The following ELN variants were observed in gnomAD, a reference collection of about 807,000 sequenced individuals.
The protein encoded by ELN is tropoelastin.
In ELN, 65 loss-of-function variants were observed where a neutral mutation model predicts 105.8. That is an observed-to-expected ratio of 0.61 (90% CI 0.50 to 0.75). The LOEUF (loss-of-function observed/expected upper bound fraction) is 0.75, where lower values mean the gene tolerates loss of function less well. ELN is among the 30% of genes least tolerant of loss of function. The probability of loss-of-function intolerance (pLI) is 0.00; values close to 1 mark genes in which losing one functional copy is unlikely to be tolerated. For missense variants in ELN, 882 were observed against 969.4 expected (o/e 0.91, Z 1.20); for synonymous variants, 368 against 389.2 (o/e 0.95, Z 0.64).
chr7:74,032,965 C>T lies in ELN; in HGVS notation c.83-2399C>T, dbSNP rs545420281. Reference sequence around the variant, plus strand: ...TGCAGTGAAATGGGAAAAAATGAAACGTAAGTGCCACTGTCTTTTTATTTT... The same window carrying T: ...TGCAGTGAAATGGGAAAAAATGAAATGTAAGTGCCACTGTCTTTTTATTTT... On this transcript the variant is annotated intron_variant, in intron 1 of 32. Coordinates refer to ENST00000252034, the MANE Select transcript of ELN (RefSeq NM_000501.4). 3.7e-4 allele frequency among the ~76,000 whole-genome samples: 57 copies of T among 152,320 alleles called. 1 individual carries two copies. The highest frequency in any genetic ancestry group is 2.6e-3 in the Admixed American group (40 of 15,296).
At chr7:74,029,137 C>T (rs192860710) in intron 1 of ELN, among the ~76,000 whole-genome samples, 39 of 152,176 alleles carry the variant, frequency 2.6e-4, no homozygotes, top group African/African-American at 9.2e-4. Flanking sequence ...TAGACATGGG[C>T]GATCTGGCAT....
intron 12 of ELN, 110 bp from the exon 13 acceptor site, chr7:74,047,565 G>T: frequency 2.0e-6 from 3 of 1,463,438 alleles, no homozygotes; most frequent in Non-Finnish European, 9.6e-7. Context: ...GGACCCTGAT[G>T]TGGGAGGTCT....
At chr7:74,044,913 CTT>C (rs1451168882) in intron 9 of ELN, among the ~76,000 whole-genome samples, 1 of 152,238 alleles carries the variant, frequency 6.6e-6, no homozygotes, top group Non-Finnish European at 1.5e-5. Flanking sequence ...CTGTCCCTCT[CTT>C]TACCTTTTCT....
In ELN at chr7:74,045,976, G is replaced by A. The variant is rs1049563436; in HGVS notation, c.542-212G>A. 7.1e-5 allele frequency: 43 copies of A among 607,840 alleles called. 1 individual carries two copies. Among genetic ancestry groups the A allele is most frequent in the Middle Eastern group, 4.1e-4 (1 of 2,426 alleles). 37.7% of individuals were successfully genotyped at this position (607,840 alleles called of 1,614,324 possible). On this transcript the variant is annotated intron_variant, in intron 10 of 32. Transcript: ENST00000252034. Reference sequence around the variant, plus strand: ...CCAGAACCTGGGAGGCAGAGGTTGCGGTGAGTTGAGATCACCCCATTCCAC... The same window carrying A: ...CCAGAACCTGGGAGGCAGAGGTTGCAGTGAGTTGAGATCACCCCATTCCAC...
At chr7:74,033,451 G>T (rs1176929027) in intron 1 of ELN, among the ~76,000 whole-genome samples, 1 of 152,282 alleles carries the variant, frequency 6.6e-6, no homozygotes, top group Non-Finnish European at 1.5e-5. Flanking sequence ...CGGGCCATGT[G>T]TGTGCTTGGC....
At chr7:74,066,128 CT>C in intron 31 of ELN, 131 bp downstream of exon 31, 1 of 1,323,378 alleles carries the variant, frequency 7.6e-7, no homozygotes, top group Non-Finnish European at 1.1e-6. Context: ...GGTGAGGGCA[CT>C]TTAGGATTGC....
At chr7:74,047,483 C>T (rs1261379002) in intron 12 of ELN, among the ~76,000 whole-genome samples, 192 bp from the exon 13 acceptor site, 1 of 152,200 alleles carries the variant, frequency 6.6e-6, no homozygotes, top group Non-Finnish European at 1.5e-5. Context: ...GATGGGTGTT[C>T]CATGGGCCTC....
At chr7:74,056,102 A>T (rs1227197663) in intron 19 of ELN, among the ~76,000 whole-genome samples, 169 bp from the exon 20 acceptor site, 1 of 152,076 alleles carries the variant, frequency 6.6e-6, no homozygotes, top group Non-Finnish European at 1.5e-5. Context: ...TTTTTTTTAA[A>T]GGCTTCATGG....
intron 4 of ELN, 28 bp from the exon 5 acceptor site, chr7:74,041,188 C>T (rs1554668193): frequency 1.2e-6 from 2 of 1,613,844 alleles, no homozygotes; most frequent in African/African-American, 2.7e-5. Context: ...ACACTGCCTA[C>T]ACTCCTGTCT....
At chr7:74,066,999 T>C (rs1798102392) in intron 32 of ELN, among the ~76,000 whole-genome samples, 1 of 152,134 alleles carries the variant, frequency 6.6e-6, no homozygotes, top group South Asian at 2.1e-4. Context: ...AAAAACACAG[T>C]TCATGGCCAG....
At chr7:74,043,829 T>A in intron 8 of ELN, 50 bp from the exon 9 acceptor site, 10 of 1,608,788 alleles carry the variant, frequency 6.2e-6, no homozygotes, top group Non-Finnish European at 8.5e-6. Flanking sequence ...TGGGGAGGGG[T>A]CCCTGGAGGC....
In ELN at chr7:74,059,437, T is replaced by C. The variant is rs1554682442; in HGVS notation, c.1415-449T>C. 3.1e-5 allele frequency: 8 copies of C among 258,268 alleles called. No homozygotes were observed. The South Asian group carries it at 3.5e-4, about 11-fold the overall frequency. 16.0% of individuals were successfully genotyped at this position (258,268 alleles called of 1,614,324 possible). On this transcript the variant is annotated intron_variant, in intron 22 of 32. Transcript: ENST00000252034. ...CAGCTCACAACTATAATCCCAGAACTTTGGGAGGCCAAGTCGGGTGGATCA... is the reference window on the plus strand; with the variant it reads ...CAGCTCACAACTATAATCCCAGAACCTTGGGAGGCCAAGTCGGGTGGATCA...
At chr7:74,038,645 T>C (rs1554666949) in intron 4 of ELN, among the ~76,000 whole-genome samples, 1 of 152,198 alleles carries the variant, frequency 6.6e-6, no homozygotes, top group East Asian at 1.9e-4. Flanking sequence ...TGATGGTCCC[T>C]CGGCATGAGA....
intron 15 of ELN, among the ~76,000 whole-genome samples, chr7:74,050,132 T>G (rs1404862901): frequency 1.4e-5 from 2 of 144,130 alleles, no homozygotes; most frequent in Non-Finnish European, 3.0e-5. Flanking sequence ...CATTTCTCCA[T>G]GCATCCTTCC....
chr7:74,046,356 T>A, intron 11 of ELN, 139 bp downstream of exon 11: 1 of 1,246,248 alleles, frequency 8.0e-7, no homozygotes, highest in Non-Finnish European at 1.2e-6. Context: ...GCAGTGGCTG[T>A]AGCACAAAGT....
intron 32 of ELN, among the ~76,000 whole-genome samples, chr7:74,067,573 C>G (rs1241773516): frequency 1.3e-5 from 2 of 151,768 alleles, no homozygotes; most frequent in African/African-American, 4.8e-5. Context: ...GCCGTCTCTA[C>G]TAAAAATACA....
chr7:74,060,632 A>T, intron 25 of ELN, 131 bp downstream of exon 25: 1 of 1,559,872 alleles, frequency 6.4e-7, no homozygotes, highest in Non-Finnish European at 8.7e-7. Context: ...AGGTTCTCCT[A>T]AGCATCTGGG....
At chr7:74,064,378 GCACT>G (rs1391933963) in intron 29 of ELN, among the ~76,000 whole-genome samples, 6 of 149,478 alleles carry the variant, frequency 4.0e-5, no homozygotes, top group African/African-American at 1.5e-4. Context: ...TCGCGCCACT[GCACT>G]CCAGCCTGGG....
chr7:74,050,773 A>C (rs780821724), intron 15 of ELN, among the ~76,000 whole-genome samples: 12 of 152,304 alleles, frequency 7.9e-5, no homozygotes, highest in Admixed American at 3.9e-4. Context: ...GGAGTCAAGA[A>C]ACGGGAGGCA....
Sources: gnomAD v4.1 joint callset for allele counts (sites outside exome capture counted in the v4.1 genomes callset) on GRCh38, gnomAD v4.1.1 for gene constraint, MANE v1.5 for transcripts, NCBI Gene and HGNC (gene_info 2026-07-23, HGNC 2026-07-21) for gene names.